LRRC4C: variants seen among roughly 807,000 people sequenced by gnomAD.
LRRC4C encodes leucine rich repeat containing 4C.
A neutral mutation model predicts 33.6 loss-of-function variants in LRRC4C; 5 were observed. The ratio of observed to expected loss-of-function variants is 0.15; its 90% CI spans 0.08 to 0.31. The LOEUF is 0.31. Ranked by LOEUF, LRRC4C falls within the 10% of genes least tolerant of loss-of-function variation. The pLI, the probability that LRRC4C is intolerant of heterozygous loss-of-function variation, is 1.00. For missense variants in LRRC4C, 560 were observed against 796.7 expected (o/e 0.70, Z 3.58); for synonymous variants, 329 against 302.0 (o/e 1.09, Z -0.93).
At chr11:40,718,628 T>C (rs751031242) in intron 2 of LRRC4C, among the ~76,000 whole-genome samples, 1 of 152,182 alleles carries the variant, frequency 6.6e-6, no homozygotes, top group East Asian at 1.9e-4. Flanking sequence ...AAAAATAATA[T>C]GTTACTGCAT....
intron 2 of LRRC4C, among the ~76,000 whole-genome samples, chr11:40,843,557 A>G (rs2135671816): frequency 6.6e-6 from 1 of 152,298 alleles, no homozygotes; most frequent in South Asian, 2.1e-4. Flanking sequence ...AACCAATTGA[A>G]GGGCAGAGAG....
chr11:40,280,050 C>G (rs899395408), intron 4 of LRRC4C, among the ~76,000 whole-genome samples: 3 of 152,146 alleles, frequency 2.0e-5, no homozygotes, highest in African/African-American at 7.2e-5. Context: ...GATACAGTTT[C>G]AGTGCCAGCC....
intron 1 of LRRC4C, among the ~76,000 whole-genome samples, chr11:41,416,704 C>T (rs1277932575): frequency 6.6e-6 from 1 of 152,022 alleles, no homozygotes. Flanking sequence ...AAAGTGAATA[C>T]ATAACCATGA....
At chr11:40,570,983 GT>G (rs1195594733) in intron 3 of LRRC4C, among the ~76,000 whole-genome samples, 1 of 151,874 alleles carries the variant, frequency 6.6e-6, no homozygotes, top group Admixed American at 6.6e-5. Flanking sequence ...TTTGTTTAAT[GT>G]TTTTTTACTG....
At chr11:41,260,599 G>GTA (rs879355941) in intron 1 of LRRC4C, among the ~76,000 whole-genome samples, 14 of 151,608 alleles carry the variant, frequency 9.2e-5, no homozygotes, top group Admixed American at 6.6e-4. Context: ...ATATATAGAT[G>GTA]TATATATATG....
Position 41,234,295 on chromosome 11 carries a change from T to C in LRRC4C, c.-496+225136A>G, listed in dbSNP as rs148726503. ...ACAGCATGTTGTTTTGAAATATGCA[T>C]ACATTGTGAATTGGCTAAAATGAGC... On this transcript the variant is annotated intron_variant, in intron 1 of 6. Transcript: ENST00000528697. Among the ~76,000 whole-genome samples the C allele has an allele frequency of 8.4e-3, 1,277 of 152,238 alleles. 18 individuals are homozygous for C. Among genetic ancestry groups the C allele is most frequent in the South Asian group, 0.017 (80 of 4,826 alleles).
chr11:41,340,862 T>G, intron 1 of LRRC4C, among the ~76,000 whole-genome samples: 1 of 152,194 alleles, frequency 6.6e-6, no homozygotes, highest in East Asian at 1.9e-4. Flanking sequence ...TTCTAAAACC[T>G]ATTTCAATTC....
chr11:40,320,234 G>C (rs966487289), intron 3 of LRRC4C, among the ~76,000 whole-genome samples: 1 of 152,086 alleles, frequency 6.6e-6, no homozygotes, highest in Non-Finnish European at 1.5e-5. Flanking sequence ...GGCCGGGCGC[G>C]GTGGCTCACG....
chr11:40,208,426 G>A (rs1234010361), intron 5 of LRRC4C, among the ~76,000 whole-genome samples: 1 of 152,138 alleles, frequency 6.6e-6, no homozygotes, highest in Admixed American at 6.6e-5. Flanking sequence ...GACTAGAACT[G>A]AATATCCTGG....
chr11:41,231,437 T>TA (rs561169630), intron 1 of LRRC4C, among the ~76,000 whole-genome samples: 1 of 149,832 alleles, frequency 6.7e-6, no homozygotes, highest in South Asian at 2.1e-4. Flanking sequence ...TATGCAGCCA[T>TA]AAAAAATGAT....
chr11:41,409,138 T>C (rs1220432501), intron 1 of LRRC4C, among the ~76,000 whole-genome samples: 5 of 152,158 alleles, frequency 3.3e-5, no homozygotes, highest in Admixed American at 3.3e-4. Flanking sequence ...ACTTGTTCAT[T>C]TTCTAGAAGA....
At chr11:40,358,339 G>A (rs556724397) in intron 3 of LRRC4C, among the ~76,000 whole-genome samples, 116 of 152,154 alleles carry the variant, frequency 7.6e-4, no homozygotes, top group African/African-American at 2.6e-3. Flanking sequence ...GGAGTGTAGC[G>A]GTGGGATCTT....
At chr11:41,262,801 A>T (rs764439915) in intron 1 of LRRC4C, among the ~76,000 whole-genome samples, 4 of 152,134 alleles carry the variant, frequency 2.6e-5, no homozygotes, top group Non-Finnish European at 5.9e-5. Context: ...AATAGGAGGT[A>T]AAAGTCTTCT....
At chr11:40,733,296 T>C (rs752886230) in intron 2 of LRRC4C, among the ~76,000 whole-genome samples, 3 of 151,858 alleles carry the variant, frequency 2.0e-5, no homozygotes. Context: ...AGGATGGTCT[T>C]GATCTCCTGA....
intron 2 of LRRC4C, among the ~76,000 whole-genome samples, chr11:40,717,524 T>G (rs565433177): frequency 6.6e-6 from 1 of 152,164 alleles, no homozygotes; most frequent in Non-Finnish European, 1.5e-5. Context: ...TAAACTACTC[T>G]TCCTGTTTTA....
chr11:40,166,289 A>G (rs1010616580), intron 5 of LRRC4C, among the ~76,000 whole-genome samples: 4 of 152,320 alleles, frequency 2.6e-5, no homozygotes, highest in Admixed American at 1.3e-4. Context: ...GAGAATGAGC[A>G]TTCTGTAGCC....
intron 4 of LRRC4C, among the ~76,000 whole-genome samples, chr11:40,262,093 C>A (rs1255368069): frequency 6.6e-6 from 1 of 152,038 alleles, no homozygotes; most frequent in Non-Finnish European, 1.5e-5. Flanking sequence ...TGACAAAGGG[C>A]TAATATCCAG....
intron 1 of LRRC4C, among the ~76,000 whole-genome samples, chr11:41,215,398 G>T (rs1458086167): frequency 6.9e-6 from 1 of 145,284 alleles, no homozygotes; most frequent in Non-Finnish European, 1.5e-5. Flanking sequence ...TGAGGCACAA[G>T]AATTGCTTGA....
intron 1 of LRRC4C, among the ~76,000 whole-genome samples, chr11:41,064,662 T>G (rs187837101): frequency 6.6e-6 from 1 of 152,216 alleles, no homozygotes; most frequent in African/African-American, 2.4e-5. Context: ...AGCTCTGTTC[T>G]GCAGCTCCAA....
Sources: gnomAD v4.1 joint callset for allele counts (sites outside exome capture counted in the v4.1 genomes callset) on GRCh38, gnomAD v4.1.1 for gene constraint, MANE v1.5 for transcripts, NCBI Gene and HGNC (gene_info 2026-07-23, HGNC 2026-07-21) for gene names.